The following PRKD1 variants were observed in gnomAD, a reference collection of about 807,000 sequenced individuals.
PRKD1 encodes serine/threonine-protein kinase D1.
PRKD1 carries 63 observed loss-of-function variants against 95.9 expected under a neutral mutation model. That is an observed-to-expected ratio of 0.66 (90% CI 0.54 to 0.81). The LOEUF is 0.81. Among genes scored for constraint, PRKD1 ranks in the 30% least tolerant of loss-of-function variants. The pLI, the probability that PRKD1 is intolerant of heterozygous loss-of-function variation, is 0.00. For missense variants in PRKD1, 1,048 were observed against 1,165.3 expected (o/e 0.90, Z 1.47); for synonymous variants, 425 against 423.1 (o/e 1.00, Z -0.05).
At chr14:29,705,398 C>T (rs758262151) in intron 2 of PRKD1, among the ~76,000 whole-genome samples, 3 of 151,616 alleles carry the variant, frequency 2.0e-5, no homozygotes, top group Non-Finnish European at 4.4e-5. Flanking sequence ...TTTGCACCAA[C>T]CTAACCCTCC....
intron 13 of PRKD1, among the ~76,000 whole-genome samples, chr14:29,622,979 T>A (rs1879378611): frequency 6.6e-6 from 1 of 152,224 alleles, no homozygotes; most frequent in Admixed American, 6.5e-5. Flanking sequence ...GCGTGGAGAC[T>A]GGAAGTGCAA....
chr14:29,639,850 A>G (rs1880645580), intron 4 of PRKD1, among the ~76,000 whole-genome samples: 1 of 152,276 alleles, frequency 6.6e-6, no homozygotes, highest in African/African-American at 2.4e-5. Flanking sequence ...ACTCTTGCCC[A>G]TCATTTTAGA....
intron 4 of PRKD1, among the ~76,000 whole-genome samples, chr14:29,639,141 C>T (rs1880587710): frequency 6.6e-6 from 1 of 151,476 alleles, no homozygotes; most frequent in Non-Finnish European, 1.5e-5. Context: ...AATGTTTAAA[C>T]ATGATTTCTA....
chr14:29,624,143 A>G lies in PRKD1; in HGVS notation c.1905+9T>C. 1.3e-6 allele frequency: 2 copies of G among 1,577,924 alleles called. No individual in the cohort carries two copies. Among genetic ancestry groups the G allele is most frequent in the Non-Finnish European group, 1.7e-6 (2 of 1,158,534 alleles). ...ATACCCTTTCCCCAAATGAGAACCA[A>G]AGAAGTACCTGTAGAATTGCAACCT... On this transcript the variant is annotated intron_variant, in intron 13 of 17. Coordinates refer to ENST00000331968, the MANE Select transcript of PRKD1 (RefSeq NM_002742.3).
At chr14:29,689,278 A>G (rs576679079) in intron 2 of PRKD1, among the ~76,000 whole-genome samples, 157 of 152,102 alleles carry the variant, frequency 1.0e-3, no homozygotes, top group African/African-American at 3.6e-3. Flanking sequence ...GAAAAAAAAA[A>G]CATTACAAAG....
intron 2 of PRKD1, among the ~76,000 whole-genome samples, chr14:29,671,852 C>T (rs1222974967): frequency 6.6e-6 from 1 of 151,980 alleles, no homozygotes; most frequent in Non-Finnish European, 1.5e-5. Flanking sequence ...AAAAAAGTAA[C>T]AGAAGAGTAA....
At chr14:29,653,203 C>T (rs17115145) in intron 4 of PRKD1, among the ~76,000 whole-genome samples, 65,112 of 151,846 alleles carry the variant, frequency 0.43, 14,388 homozygotes, top group African/African-American at 0.52. Flanking sequence ...TGAATATTGT[C>T]CGGATTGCAT....
intron 4 of PRKD1, among the ~76,000 whole-genome samples, chr14:29,645,860 C>T (rs1011946350): frequency 6.6e-6 from 1 of 152,108 alleles, no homozygotes; most frequent in Non-Finnish European, 1.5e-5. Context: ...TGCTTACCCC[C>T]ACTCCTTACT....
At chr14:29,906,074 A>G (rs1894484562) in intron 1 of PRKD1, among the ~76,000 whole-genome samples, 1 of 152,210 alleles carries the variant, frequency 6.6e-6, no homozygotes, top group African/African-American at 2.4e-5. Flanking sequence ...GAAAATTTTT[A>G]AAGTTAGAAA....
At chr14:29,762,719 A>G (rs2139492560) in intron 1 of PRKD1, among the ~76,000 whole-genome samples, 1 of 152,302 alleles carries the variant, frequency 6.6e-6, no homozygotes, top group African/African-American at 2.4e-5. Flanking sequence ...CCTGTGGTGG[A>G]AAATAAACGT....
At chr14:29,841,554 T>TCTCTTTGC (rs1417658779) in intron 1 of PRKD1, among the ~76,000 whole-genome samples, 1 of 152,130 alleles carries the variant, frequency 6.6e-6, no homozygotes, top group Non-Finnish European at 1.5e-5. Context: ...GCACAAGCTC[T>TCTCTTTGC]CTCTTTGCCC....
chr14:29,627,494 G>A (rs907741243), intron 11 of PRKD1, among the ~76,000 whole-genome samples: 4 of 152,168 alleles, frequency 2.6e-5, no homozygotes, highest in Non-Finnish European at 5.9e-5. Flanking sequence ...GAAATAATAA[G>A]TGCTGAATAA....
intron 1 of PRKD1, among the ~76,000 whole-genome samples, chr14:29,733,395 C>G (rs899029346): frequency 6.6e-6 from 1 of 152,104 alleles, no homozygotes; most frequent in Admixed American, 6.6e-5. Flanking sequence ...CTACCGTGCC[C>G]GGCCAGTTCA....
chr14:29,710,199 C>A (rs962365770), intron 2 of PRKD1, among the ~76,000 whole-genome samples: 1 of 152,086 alleles, frequency 6.6e-6, no homozygotes, highest in Non-Finnish European at 1.5e-5. Context: ...TGCAGACACT[C>A]CACTCTCCAG....
chr14:29,605,537 A>G (rs1893674235), intron 13 of PRKD1, among the ~76,000 whole-genome samples: 1 of 152,074 alleles, frequency 6.6e-6, no homozygotes, highest in East Asian at 1.9e-4. Flanking sequence ...TGACTCTCCC[A>G]GTCTGTCTTG....
At chr14:29,669,645 A>G (rs1345440187) in intron 2 of PRKD1, among the ~76,000 whole-genome samples, 2 of 152,248 alleles carry the variant, frequency 1.3e-5, no homozygotes, top group Non-Finnish European at 2.9e-5. Context: ...AGGCAGGTGG[A>G]TCACCTGAGG....
intron 1 of PRKD1, among the ~76,000 whole-genome samples, chr14:29,787,843 G>A (rs1302054476): frequency 6.6e-6 from 1 of 152,054 alleles, no homozygotes; most frequent in African/African-American, 2.4e-5. Context: ...ATTCAAGGTT[G>A]CTATTGATAG....
chr14:29,861,359 A>G lies in PRKD1; in HGVS notation c.264+65890T>C, dbSNP rs896886128. Among the ~76,000 whole-genome samples the G allele has an allele frequency of 2.6e-5, 4 of 152,320 alleles. No homozygotes were observed. In the East Asian group the frequency reaches 7.7e-4, roughly 29 times the overall value. On this transcript the variant is annotated intron_variant, in intron 1 of 17. Coordinates refer to ENST00000331968, the MANE Select transcript of PRKD1 (RefSeq NM_002742.3). ...TTCACTAAAAGATTTTATACCATAC[A>G]TAACCTGACCTTACCTCTTCAAGTG...
chr14:29,638,614 A>C lies in PRKD1; in HGVS notation c.908-48T>G, dbSNP rs145432632. The C allele has an allele frequency of 9.3e-4, 1,499 of 1,613,006 alleles. 13 individuals carry two copies. The African/African-American group carries it at 0.018, about 19-fold the overall frequency. ...AAAACAAAATGAGAATTTGTCATAA[A>C]GAAAAGTGGTAACCAGAAAATACTT... On this transcript the variant is annotated intron_variant, in intron 5 of 17. Transcript: ENST00000331968.
Sources: allele counts gnomAD v4.1 joint callset (sites outside exome capture counted in the v4.1 genomes callset), GRCh38; gene constraint gnomAD v4.1.1; transcripts MANE v1.5; gene names NCBI Gene and HGNC (gene_info 2026-07-23, HGNC 2026-07-21).